Variants in BCL2L13 observed in about 807,000 individuals in gnomAD.
The protein encoded by BCL2L13 is BCL2 like 13, also known as bcl-2-like protein 13.
A neutral mutation model predicts 25.8 loss-of-function variants in BCL2L13; 13 were observed. The ratio of observed to expected loss-of-function variants is 0.50; its 90% CI spans 0.33 to 0.80. The LOEUF (loss-of-function observed/expected upper bound fraction) is 0.80. Among genes scored for constraint, BCL2L13 ranks in the 30% least tolerant of loss-of-function variants. BCL2L13 has a pLI of 0.02. For missense variants in BCL2L13, 504 were observed against 574.9 expected, an observed-to-expected ratio of 0.88 and a Z score of 1.26; for synonymous variants, 244 against 230.3, an observed-to-expected ratio of 1.06 and a Z score of -0.54.
At chr22:17,659,660 AAAAAC>A (rs149548796) in intron 2 of BCL2L13, among the ~76,000 whole-genome samples, 11,307 of 144,934 alleles carry the variant, frequency 0.078, 1,382 homozygotes, top group African/African-American at 0.19. Context: ...GACTCCGTCA[AAAAAC>A]AAAACAAAAC....
At chr22:17,718,372 T>C (rs2061005840) in intron 6 of BCL2L13, among the ~76,000 whole-genome samples, 1 of 152,222 alleles carries the variant, frequency 6.6e-6, no homozygotes, top group African/African-American at 2.4e-5. Flanking sequence ...AGAAGTGATG[T>C]AGAGTTAGTA....
intron 1 of BCL2L13, among the ~76,000 whole-genome samples, chr22:17,632,749 C>CTTTTT (rs1555869670): frequency 7.0e-6 from 1 of 143,524 alleles, no homozygotes; most frequent in Non-Finnish European, 1.5e-5. Context: ...TATGATTCTT[C>CTTTTT]TTCTTTTTTT....
chr22:17,640,394 A>G (rs957367065), intron 1 of BCL2L13, among the ~76,000 whole-genome samples: 1 of 152,096 alleles, frequency 6.6e-6, no homozygotes, highest in Non-Finnish European at 1.5e-5. Flanking sequence ...GTTGTCTCCT[A>G]CAGCAAGGAC....
intron 1 of BCL2L13, among the ~76,000 whole-genome samples, chr22:17,644,156 C>T (rs1813459437): frequency 6.6e-6 from 1 of 151,032 alleles, no homozygotes; most frequent in Admixed American, 6.6e-5. Flanking sequence ...GGTGATCTGC[C>T]CATCTGGTCT....
At position 17,693,372 on chromosome 22, in the gene BCL2L13, G is replaced by GTTTGGTTTTT. The variant is rs1284865411; in HGVS notation, c.387-2766_387-2765insGGTTTTTTTT. Among the ~76,000 whole-genome samples the GTTTGGTTTTT allele has an allele frequency of 4.0e-3, 282 of 70,620 alleles. 8 individuals are homozygous for GTTTGGTTTTT. The highest frequency in any genetic ancestry group is 8.5e-3 in the Middle Eastern group (1 of 118). The allele number at this position is 70,620 out of a possible 152,430, so 46.3% of individuals were successfully genotyped here. A position where few individuals can be genotyped will look rare whatever the true frequency, so the allele number is the denominator to read the frequency against. On this transcript the variant is annotated intron_variant, in intron 4 of 6. Coordinates refer to ENST00000317582, the MANE Select transcript of BCL2L13 (RefSeq NM_015367.4). ...TTATTTATTTATTTATTTAGTGTTTGTTTTTTTTTTTTTTTTTTTTTTTTG... is the reference window on the plus strand; with the variant it reads ...TTATTTATTTATTTATTTAGTGTTTGTTTGGTTTTTTTTTTTTTTTTTTTTTTTTTTTTTG...
intron 4 of BCL2L13, among the ~76,000 whole-genome samples, chr22:17,691,455 G>A (rs1206014363): frequency 6.6e-6 from 1 of 152,140 alleles, no homozygotes; most frequent in Non-Finnish European, 1.5e-5. Context: ...GACCATCCTG[G>A]CTAACACAGT....
intron 2 of BCL2L13, among the ~76,000 whole-genome samples, chr22:17,660,246 G>T (rs1369750273): frequency 6.8e-6 from 1 of 146,396 alleles, no homozygotes; most frequent in Non-Finnish European, 1.6e-5. Context: ...GTTTATTTCC[G>T]GATTTTTTTC....
intron 2 of BCL2L13, among the ~76,000 whole-genome samples, chr22:17,674,537 C>T (rs150259280): frequency 0.019 from 2,865 of 148,892 alleles, 81 homozygotes; most frequent in African/African-American, 0.068. Context: ...ACCCAGGAGG[C>T]GGAGGTTGCA....
At chr22:17,666,787 A>G (rs2059247977) in intron 2 of BCL2L13, among the ~76,000 whole-genome samples, 1 of 151,200 alleles carries the variant, frequency 6.6e-6, no homozygotes, top group Non-Finnish European at 1.5e-5. Context: ...GTCCCGGTTC[A>G]AACAATTCTC....
At chr22:17,715,121 T>TC (rs2060877412) in intron 6 of BCL2L13, among the ~76,000 whole-genome samples, 1 of 68,042 alleles carries the variant, frequency 1.5e-5, no homozygotes, top group Non-Finnish European at 2.8e-5. Flanking sequence ...CAGTGTTAAT[T>TC]TTATATATAT....
chr22:17,690,469 T>G (rs990737689), intron 4 of BCL2L13, among the ~76,000 whole-genome samples: 4 of 152,186 alleles, frequency 2.6e-5, no homozygotes, highest in African/African-American at 9.7e-5. Context: ...AAATACTAAT[T>G]ATGCTTAAAC....
chr22:17,657,265 A>T (rs1012613778), intron 2 of BCL2L13, among the ~76,000 whole-genome samples: 1 of 152,224 alleles, frequency 6.6e-6, no homozygotes, highest in East Asian at 1.9e-4. Flanking sequence ...TGTTTTACAC[A>T]TCCACAATGG....
At position 17,727,848 on chromosome 22, in the gene BCL2L13, G is replaced by C; in HGVS notation, c.*314G>C. On this transcript the variant is annotated 3_prime_UTR_variant, in exon 7 of 7. Coordinates refer to ENST00000317582, the MANE Select transcript of BCL2L13 (RefSeq NM_015367.4). ...CCATTCTCTGTGTTGGGGCTGTCCT[G>C]TGTGTGGTGGGCTCCACCCACTAGA... 1 of 367,508 alleles carries C rather than the reference G, an allele frequency of 2.7e-6. No individual in the cohort carries two copies. Among genetic ancestry groups the C allele is most frequent in the South Asian group, 4.1e-5 (1 of 24,608 alleles). 22.8% of individuals were successfully genotyped at this position (367,508 alleles called of 1,614,324 possible). A position where few individuals can be genotyped will look rare whatever the true frequency, so the allele number is the denominator to read the frequency against.
At chr22:17,696,258 G>C in intron 5 of BCL2L13, 48 bp downstream of exon 5, 1 of 1,455,252 alleles carries the variant, frequency 6.9e-7, no homozygotes, top group Non-Finnish European at 9.6e-7. Flanking sequence ...GTGTGTTAAT[G>C]ATAAGACGTA....
chr22:17,643,041 G>T (rs980918502), intron 1 of BCL2L13, among the ~76,000 whole-genome samples: 1 of 152,188 alleles, frequency 6.6e-6, no homozygotes, highest in Non-Finnish European at 1.5e-5. Flanking sequence ...CCTAATTATT[G>T]TGAAAGTCAG....
chr22:17,680,005 G>A (rs2146688772), intron 2 of BCL2L13, among the ~76,000 whole-genome samples: 1 of 151,614 alleles, frequency 6.6e-6, no homozygotes, highest in East Asian at 2.0e-4. Flanking sequence ...CTGAGGTCAG[G>A]AGTTCGAGAT....
At chr22:17,670,187 T>A (rs1168308463) in intron 2 of BCL2L13, among the ~76,000 whole-genome samples, 1 of 152,224 alleles carries the variant, frequency 6.6e-6, no homozygotes, top group Non-Finnish European at 1.5e-5. Flanking sequence ...TTTGAAATTA[T>A]GAAGTGTGAG....
chr22:17,642,467 T>G (rs962537186), intron 1 of BCL2L13, among the ~76,000 whole-genome samples: 3 of 152,200 alleles, frequency 2.0e-5, no homozygotes, highest in Non-Finnish European at 4.4e-5. Context: ...CCTGTCTGGC[T>G]TCTTTCACTT....
intron 2 of BCL2L13, among the ~76,000 whole-genome samples, chr22:17,658,606 A>G (rs2058961162): frequency 6.7e-6 from 1 of 148,612 alleles, no homozygotes; most frequent in African/African-American, 2.5e-5. Flanking sequence ...AGGCAGGAGC[A>G]TTGCTTGAAC....
Sources: gnomAD v4.1 joint callset for allele counts (sites outside exome capture counted in the v4.1 genomes callset) on GRCh38, gnomAD v4.1.1 for gene constraint, MANE v1.5 for transcripts, NCBI Gene and HGNC (gene_info 2026-07-23, HGNC 2026-07-21) for gene names.